Variants in U2SURP observed in about 807,000 individuals in gnomAD.
U2SURP encodes the protein U2 snRNP-associated SURP motif-containing protein.
U2SURP carries 9 observed loss-of-function variants against 144.9 expected under a neutral mutation model. That is an observed-to-expected ratio of 0.06 (90% CI 0.04 to 0.11). The LOEUF is 0.11. Ranked by LOEUF, U2SURP falls within the 10% of genes least tolerant of loss-of-function variation. The pLI, the probability that U2SURP is intolerant of heterozygous loss-of-function variation, is 1.00. For missense variants in U2SURP, 724 were observed against 1,226.7 expected (o/e 0.59, Z 6.12); for synonymous variants, 408 against 396.8 (o/e 1.03, Z -0.33).
Position 143,038,932 on chromosome 3 carries a change from G to A in U2SURP, c.2356G>A (p.Glu786Lys). 1.9e-6 allele frequency: 3 copies of A among 1,541,024 alleles called. No homozygotes were observed. Among genetic ancestry groups the A allele is most frequent in the Non-Finnish European group, 2.6e-6 (3 of 1,145,652 alleles). ...TAAATGGGAATTATTTGACCAGCAT[G>A]AAGAATCAGAAGAAGAAGAAAATCA... ...TSKWELFDQHEESEEEENQNQ... is the reference protein window; with the variant it reads ...TSKWELFDQHKESEEEENQNQ... The change falls in exon 23 of 28, where the codon GAA becomes AAA. Residue 786 changes from glutamate to lysine, a missense_variant. Glu to Lys is a moderately conservative substitution (Grantham distance 56, BLOSUM62 1). Transcript: ENST00000473835.
In U2SURP at chr3:143,043,142, G is replaced by A; in HGVS notation, c.2410G>A (p.Glu804Lys). 1 of 1,604,394 alleles carries A rather than the reference G, an allele frequency of 6.2e-7. No homozygotes were observed. The highest frequency in any genetic ancestry group is 8.5e-7 in the Non-Finnish European group (1 of 1,175,722). The change falls in exon 24 of 28, where the codon GAA (glutamate) becomes AAA (lysine). Residue 804 changes from glutamate (E) to lysine (K), a missense_variant. Transcript: ENST00000473835. The part of the protein sequence containing the change: ...QNQEEESEDE[E>K]DTQSSKSEEH... ...TCAAGAAGAAGAAAGTGAAGATGAA[G>A]AAGATACTCAAAGTTCCAAATCTGA...
chr3:143,010,980 A>G (rs1416236998), intron 2 of U2SURP, 121 bp downstream of exon 2: 1 of 645,188 alleles, frequency 1.5e-6, no homozygotes, highest in African/African-American at 2.1e-5. Flanking sequence ...TTTTTCTTTT[A>G]CTCTTTTTTT....
At chr3:143,032,024 AG>A (rs1933528809) in intron 16 of U2SURP, among the ~76,000 whole-genome samples, 1 of 152,032 alleles carries the variant, frequency 6.6e-6, no homozygotes, top group African/African-American at 2.4e-5. Flanking sequence ...CTATGCCAGC[AG>A]GGGGATAGAG....
At chr3:143,020,732 A>G in intron 8 of U2SURP, 39 bp downstream of exon 8, 2 of 1,480,378 alleles carry the variant, frequency 1.4e-6, no homozygotes, top group African/African-American at 1.4e-5. Context: ...CTTGTGATTA[A>G]TTACAGTAGT....
At chr3:143,036,274 T>C (rs997292215) in intron 20 of U2SURP, among the ~76,000 whole-genome samples, 170 bp downstream of exon 20, 15 of 152,318 alleles carry the variant, frequency 9.8e-5, no homozygotes, top group African/African-American at 3.4e-4. Flanking sequence ...CAAAATTACA[T>C]GTAACAGGAA....
chr3:143,019,104 G>A (rs1309943066), intron 6 of U2SURP, among the ~76,000 whole-genome samples: 1 of 152,134 alleles, frequency 6.6e-6, no homozygotes, highest in Non-Finnish European at 1.5e-5. Flanking sequence ...TGTCTGTTCA[G>A]ATACTTGGCC....
At chr3:143,045,294 A>G (rs1301482821) in intron 24 of U2SURP, among the ~76,000 whole-genome samples, 1 of 149,794 alleles carries the variant, frequency 6.7e-6, no homozygotes, top group Non-Finnish European at 1.5e-5. Flanking sequence ...GTGTGGACCC[A>G]GGAGGCGGAG....
At chr3:143,004,624 C>T (rs1439892319) in intron 1 of U2SURP, among the ~76,000 whole-genome samples, 1 of 137,822 alleles carries the variant, frequency 7.3e-6, no homozygotes, top group Non-Finnish European at 1.5e-5. Flanking sequence ...TAGGCGTGAG[C>T]CACCGTGCCT....
At chr3:143,030,165 A>G (rs1933397562) in intron 16 of U2SURP, among the ~76,000 whole-genome samples, 2 of 152,280 alleles carry the variant, frequency 1.3e-5, no homozygotes, top group South Asian at 4.1e-4. Flanking sequence ...GTCAGTGTAG[A>G]CAAAGCAGCC....
At chr3:143,046,971 G>T (rs1385959371) in intron 24 of U2SURP, among the ~76,000 whole-genome samples, 1 of 130,266 alleles carries the variant, frequency 7.7e-6, no homozygotes, top group Non-Finnish European at 1.6e-5. Flanking sequence ...CCTCCCTCCC[G>T]GACGGGGCGG....
intron 18 of U2SURP, 149 bp downstream of exon 18, chr3:143,033,499 C>A: frequency 1.8e-6 from 1 of 560,382 alleles, no homozygotes; most frequent in Non-Finnish European, 3.1e-6. Context: ...TGAATTCAAC[C>A]AACCATGAAT....
intron 11 of U2SURP, 79 bp from the exon 12 acceptor site, chr3:143,022,774 A>G: frequency 6.8e-7 from 1 of 1,462,834 alleles, no homozygotes; most frequent in Non-Finnish European, 9.1e-7. Flanking sequence ...TAAAATGAAA[A>G]TTATTTCAAC....
At chr3:143,037,374 C>A (rs760605882) in intron 21 of U2SURP, 39 bp downstream of exon 21, 1 of 1,581,798 alleles carries the variant, frequency 6.3e-7, no homozygotes, top group South Asian at 1.1e-5. Context: ...CTAGCTAATA[C>A]ATTTGGTGAC....
intron 7 of U2SURP, 103 bp downstream of exon 7, chr3:143,020,139 CCAGTT>C: frequency 6.2e-6 from 4 of 642,540 alleles, no homozygotes; most frequent in South Asian, 4.1e-5. Flanking sequence ...TTATTACTAA[CCAGTT>C]TGCTATGAGA....
intron 21 of U2SURP, among the ~76,000 whole-genome samples, chr3:143,037,889 A>T (rs1241728236): frequency 6.6e-6 from 1 of 152,180 alleles, no homozygotes; most frequent in Non-Finnish European, 1.5e-5. Flanking sequence ...TTAATATATT[A>T]CTAACCTGTA....
intron 20 of U2SURP, 24 bp downstream of exon 20, chr3:143,036,128 T>G: frequency 6.4e-7 from 1 of 1,570,902 alleles, no homozygotes; most frequent in Non-Finnish European, 8.6e-7. Flanking sequence ...ATTTGTCTGG[T>G]TGTTTTTAAA....
chr3:143,027,958 ATCC>A (rs1347514622), intron 14 of U2SURP, among the ~76,000 whole-genome samples: 1 of 152,230 alleles, frequency 6.6e-6, no homozygotes, highest in African/African-American at 2.4e-5. Context: ...TAAATTGCTT[ATCC>A]TCTGAATTGT....
At chr3:143,037,069 G>C in intron 20 of U2SURP, 110 bp from the exon 21 acceptor site, 1 of 1,014,374 alleles carries the variant, frequency 9.9e-7, no homozygotes, top group Non-Finnish European at 1.4e-6. Context: ...TTGTACCTCA[G>C]ATTGTGGGTA....
intron 23 of U2SURP, 49 bp downstream of exon 23, chr3:143,039,009 C>A: frequency 3.2e-6 from 4 of 1,244,330 alleles, no homozygotes; most frequent in Non-Finnish European, 4.3e-6. Flanking sequence ...TATACACTCC[C>A]CTTTTCATTA....
Sources: gnomAD v4.1 joint callset for allele counts (sites outside exome capture counted in the v4.1 genomes callset) on GRCh38, gnomAD v4.1.1 for gene constraint, MANE v1.5 for transcripts, NCBI Gene and HGNC (gene_info 2026-07-23, HGNC 2026-07-21) for gene names.